The following HUWE1 variants were observed in gnomAD, a reference collection of about 807,000 sequenced individuals.
HUWE1 encodes the protein HECT, UBA and WWE domain containing E3 ubiquitin protein ligase 1.
A neutral mutation model predicts 299.4 loss-of-function variants in HUWE1; 18 were observed. The observed-to-expected ratio is 0.06, with a 90% CI of 0.04 to 0.09. The LOEUF is 0.09. HUWE1 is among the 10% of genes least tolerant of loss of function. The pLI, the probability that HUWE1 is intolerant of heterozygous loss-of-function variation, is 1.00. For synonymous variants in HUWE1, 1,317 were observed against 1,286.1 expected, an observed-to-expected ratio of 1.02 and a Z score of -0.51; for missense variants, 1,832 against 3,462.3, an observed-to-expected ratio of 0.53 and a Z score of 11.82.
Position 53,543,891 on chromosome X carries a change from G to C in HUWE1, c.11329C>G (p.Gln3777Glu). 3 of 1,210,587 alleles carry C rather than the reference G, an allele frequency of 2.5e-6. No homozygotes were observed. The highest frequency in any genetic ancestry group is 1.7e-5 in the African/African-American group (1 of 57,868). The change falls in exon 73 of 84, where the codon CAA (glutamine) becomes GAA (glutamate). Residue 3777 changes from glutamine (Q) to glutamate (E), a missense_variant. Transcript: ENST00000262854. ...GCCCTTTGACCCTCACGTACCATTT[G>C]TATAATGGCATCAGCCTCAGCCTCC... ...QLEAEADAII[Q>E]MVREGQRARR...
At chrX:53,590,572 C>T (rs1827318537) in intron 34 of HUWE1, 73 bp from the exon 35 acceptor site, 1 of 735,528 alleles carries the variant, frequency 1.4e-6, no homozygotes, top group African/African-American at 2.1e-5. Flanking sequence ...CACTGCAACT[C>T]ACAGGCAATC....
chrX:53,617,272 C>T (rs1437800093), intron 20 of HUWE1, 68 bp downstream of exon 20: 85 of 973,375 alleles, frequency 8.7e-5, no homozygotes, highest in Non-Finnish European at 1.0e-4. Flanking sequence ...AGATTCAACA[C>T]TACACACAGA....
At chrX:53,535,922 GTTT>G (rs34675759) in intron 80 of HUWE1, 77 of 166,576 alleles carry the variant, frequency 4.6e-4, no homozygotes, top group Middle Eastern at 2.3e-3. Context: ...ATGTACTGGA[GTTT>G]TTTTTTTTTT....
intron 3 of HUWE1, among the ~76,000 whole-genome samples, chrX:53,664,829 T>C (rs1490959946): frequency 1.8e-5 from 2 of 111,545 alleles, no homozygotes; most frequent in Admixed American, 1.9e-4. Flanking sequence ...TATAGAGGAA[T>C]AGGTGTCACT....
intron 79 of HUWE1, 57 bp downstream of exon 79, chrX:53,536,323 C>T (rs182978092): frequency 8.5e-7 from 1 of 1,176,685 alleles, no homozygotes; most frequent in Admixed American, 2.2e-5. Flanking sequence ...GGATGGGACA[C>T]AAAAAGACCA....
chrX:53,558,533 A>T (rs2062139492), intron 59 of HUWE1, 122 bp downstream of exon 59: 1 of 706,800 alleles, frequency 1.4e-6, no homozygotes, highest in Admixed American at 2.5e-5. Flanking sequence ...GAAATAAAAA[A>T]TTTCCCAGGT....
chrX:53,631,435 G>A lies in HUWE1; in HGVS notation c.741C>T (p.Tyr247=). ...ATACCTGCTTATCCTTAGGAATGCT[G>A]TACATTTTGGTAAGAGATTCCATGA... is the stretch of plus-strand genomic sequence containing the variant. ...SEIMESLTKM[Y]SIPKDKQMLL... is the part of the protein sequence containing the mutation. Residue 247 remains tyrosine, a synonymous_variant, in exon 11 of 84, where the codon TAC becomes TAT. Coordinates refer to ENST00000262854, the MANE Select transcript of HUWE1 (RefSeq NM_031407.7). The A allele has an allele frequency of 8.3e-7, 1 of 1,200,916 alleles. No homozygotes were observed. The highest frequency in any genetic ancestry group is 1.1e-6 in the Non-Finnish European group (1 of 886,361).
chrX:53,596,954 C>T (rs1157780854), intron 29 of HUWE1, among the ~76,000 whole-genome samples: 3 of 112,361 alleles, frequency 2.7e-5, no homozygotes, highest in African/African-American at 9.7e-5. Context: ...CACCAGCAGG[C>T]TTGAAAACCT....
chrX:53,659,799 A>G (rs2149410862), intron 3 of HUWE1, among the ~76,000 whole-genome samples: 1 of 111,919 alleles, frequency 8.9e-6, no homozygotes, highest in East Asian at 2.8e-4. Flanking sequence ...CAGGCAGTAT[A>G]TGGGAAATTT....
Position 53,630,984 on chromosome X carries a change from C to T in HUWE1, c.813G>A (p.Arg271=). Reference sequence around the variant, plus strand: ...TGGCCTGAACTGCCTGCAATCGCTTCCTGTGATTAGAAAAGCCATGGGCCA... The same window carrying T: ...TGGCCTGAACTGCCTGCAATCGCTTTCTGTGATTAGAAAAGCCATGGGCCA... ...IRLAHGFSNH[R]KRLQAVQARL... is the part of the protein sequence containing the mutation. Residue 271 remains arginine (R), a synonymous_variant, in exon 12 of 84, where the codon AGG becomes AGA. Transcript: ENST00000262854. The T allele has an allele frequency of 8.3e-7, 1 of 1,200,091 alleles. No individual in the cohort carries two copies.
intron 25 of HUWE1, among the ~76,000 whole-genome samples, chrX:53,606,498 G>C (rs1569486544): frequency 8.9e-6 from 1 of 111,877 alleles, no homozygotes; most frequent in Non-Finnish European, 1.9e-5. Flanking sequence ...ATTAAAAGTA[G>C]AGTCTCAAAG....
Position 53,562,841 on chromosome X carries a change from G to A in HUWE1, c.7194C>T (p.Ala2398=). 2 of 1,208,905 alleles carry A rather than the reference G, an allele frequency of 1.7e-6. No individual in the cohort carries two copies. The highest frequency in any genetic ancestry group is 2.2e-6 in the Non-Finnish European group (2 of 893,357). The change falls in exon 53 of 84, where the codon GCC becomes GCT. Residue 2398 remains alanine, a synonymous_variant. Transcript: ENST00000262854. ...CCTCGGCACTCTCACCTTCTCGGTT[G>A]GCCTGCAAGGTGGAAGCTTGGCTGA... ...SNLSQASTLQ[A]NREDSMNILD...
chrX:53,573,525 C>G (rs1310129037), intron 47 of HUWE1, among the ~76,000 whole-genome samples: 1 of 112,344 alleles, frequency 8.9e-6, no homozygotes, highest in Non-Finnish European at 1.9e-5. Flanking sequence ...CCAGGCTGAT[C>G]TCGAACTCCT....
At position 53,614,537 on chromosome X, in the gene HUWE1, T is replaced by A; in HGVS notation, c.2258A>T (p.Gln753Leu). 8.3e-7 allele frequency: 1 copy of A among 1,198,007 alleles called. No homozygotes were observed. Among genetic ancestry groups the A allele is most frequent in the Non-Finnish European group, 1.1e-6 (1 of 882,851 alleles). Residue 753 changes from glutamine (Q) to leucine (L), a missense_variant, in exon 23 of 84, where the codon CAG (glutamine) becomes CTG (leucine). Gln to Leu is a moderately radical substitution (Grantham distance 113, BLOSUM62 -2). Around this residue, in one of 15 missense-constraint regions of HUWE1, gnomAD observed 658 missense variants for 1,282.6 expected, o/e 0.51. Transcript: ENST00000262854. The part of the protein sequence containing the change: ...STQQNETEPN[Q>L]QVVGTEERIP... ...GATCTGTTCTGTAAACACTTACTGC[T>A]GATTAGGCTCAGTTTCATTTTGCTG... is the stretch of plus-strand genomic sequence containing the variant.
intron 2 of HUWE1, among the ~76,000 whole-genome samples, chrX:53,681,754 C>CA (rs1379829780): frequency 8.9e-6 from 1 of 112,232 alleles, no homozygotes; most frequent in African/African-American, 3.2e-5. Flanking sequence ...CTGTGAAATG[C>CA]ATGACACCAA....
chrX:53,540,873 T>C (rs2061315296), intron 74 of HUWE1, among the ~76,000 whole-genome samples: 1 of 111,822 alleles, frequency 8.9e-6, no homozygotes, highest in Admixed American at 9.5e-5. Flanking sequence ...TTCCTGACCT[T>C]TGCTGTTCAT....
In HUWE1 at chrX:53,535,451, G is replaced by A. The variant is rs138323283; in HGVS notation, c.12582C>T (p.Ala4194=). 5.8e-6 allele frequency: 7 copies of A among 1,209,072 alleles called. No homozygotes were observed. Among genetic ancestry groups the A allele is most frequent in the Non-Finnish European group, 7.8e-6 (7 of 893,492 alleles). The change falls in exon 81 of 84, where the codon GCC becomes GCT. Residue 4194 remains alanine, a synonymous_variant. Coordinates refer to ENST00000262854, the MANE Select transcript of HUWE1 (RefSeq NM_031407.7). ...TATTCTCCTCTGTTACCAAGATGTT[G>A]GCCCCATTGGGTTTGAGGTCACGAA... The part of the protein sequence containing the change: ...CEVRDLKPNG[A]NILVTEENKK...
chrX:53,645,774 T>TATATATA (rs2067988418), intron 6 of HUWE1, among the ~76,000 whole-genome samples: 1 of 83,136 alleles, frequency 1.2e-5, no homozygotes, highest in Admixed American at 1.4e-4. Flanking sequence ...TATATATATA[T>TATATATA]ATGTATTTGA....
chrX:53,547,207 C>T (rs1556923732), intron 68 of HUWE1, among the ~76,000 whole-genome samples: 1 of 112,177 alleles, frequency 8.9e-6, no homozygotes, highest in Non-Finnish European at 1.9e-5. Context: ...TTCTTTCTTA[C>T]TAATCTGTGG....
Sources: gnomAD v4.1 joint callset for allele counts (sites outside exome capture counted in the v4.1 genomes callset) on GRCh38, gnomAD v4.1.1 for gene constraint, gnomAD v4.1.1 regional missense constraint, MANE v1.5 for transcripts, NCBI Gene and HGNC (gene_info 2026-07-23, HGNC 2026-07-21) for gene names.